FER: variants seen among roughly 807,000 people sequenced by gnomAD.
The protein encoded by FER is FER tyrosine kinase.
Under a neutral mutation model 111.0 loss-of-function variants are expected in FER, and 63 were observed. That is an observed-to-expected ratio of 0.57 (90% CI 0.46 to 0.70). FER has a LOEUF of 0.70. Ranked by LOEUF, FER falls within the 30% of genes least tolerant of loss-of-function variation. The probability of loss-of-function intolerance (pLI) is 0.00; values close to 1 mark genes in which losing one functional copy is unlikely to be tolerated. For missense variants in FER, 914 were observed against 954.0 expected (o/e 0.96, Z 0.55); for synonymous variants, 327 against 313.9 (o/e 1.04, Z -0.44).
rs1219567481 is a variant in FER at position 109,127,103 on chromosome 5, CAT to C, written c.2048+26585_2048+26586del. On this transcript the variant is annotated intron_variant, in intron 17 of 19. Transcript: ENST00000281092. ...GGGAACGTTCCAAGATTATTTCTCACATGTTATAAATATGTATTGGCATTTAT... is the reference window on the plus strand; with the variant it reads ...GGGAACGTTCCAAGATTATTTCTCACGTTATAAATATGTATTGGCATTTAT... Among the ~76,000 whole-genome samples, 25 of 152,314 alleles carry C rather than the reference CAT, an allele frequency of 1.6e-4. 1 individual carries two copies. The East Asian group carries it at 4.6e-3, about 28-fold the overall frequency.
chr5:108,855,033 T>A (rs1013434476), intron 5 of FER, among the ~76,000 whole-genome samples: 33 of 151,130 alleles, frequency 2.2e-4, no homozygotes, highest in African/African-American at 6.6e-4. Flanking sequence ...AAAGACTGAT[T>A]CCAAGATTTT....
intron 1 of FER, among the ~76,000 whole-genome samples, chr5:108,749,606 C>T (rs192255435): frequency 6.6e-6 from 1 of 152,224 alleles, no homozygotes; most frequent in Non-Finnish European, 1.5e-5. Flanking sequence ...TCCTATCTGT[C>T]ACCTTCTCCC....
chr5:108,928,851 T>C (rs144301731), intron 10 of FER, among the ~76,000 whole-genome samples: 2,415 of 152,164 alleles, frequency 0.016, 54 homozygotes, highest in African/African-American at 0.056. Flanking sequence ...TGGTCAAAGT[T>C]AGAAAATAAA....
intron 13 of FER, among the ~76,000 whole-genome samples, chr5:109,017,923 G>T (rs376689697): frequency 1.3e-5 from 2 of 151,952 alleles, no homozygotes; most frequent in East Asian, 1.9e-4. Context: ...ATATATGATT[G>T]TTGGGACTTC....
chr5:108,883,574 ATATTT>A, intron 9 of FER, 56 bp downstream of exon 9: 1 of 1,458,568 alleles, frequency 6.9e-7, no homozygotes, highest in Non-Finnish European at 9.2e-7. Context: ...TTTTACAAAA[ATATTT>A]TAGTTACATG....
At chr5:109,186,433 T>C (rs147610102) in intron 19 of FER, 111 bp downstream of exon 19, 22 of 1,499,616 alleles carry the variant, frequency 1.5e-5, no homozygotes, top group Non-Finnish European at 2.0e-5. Flanking sequence ...GGTTGTGTTA[T>C]GAGACCATCT....
At position 109,189,698 on chromosome 5, in the gene FER, C is replaced by A. The variant is rs1397800983; in HGVS notation, c.*2123C>A. 2 of 151,936 alleles carry A rather than the reference C, an allele frequency of 1.3e-5. No homozygotes were observed. The highest frequency in any genetic ancestry group is 2.9e-5 in the Non-Finnish European group (2 of 67,994). 9.4% of individuals were successfully genotyped at this position (151,936 alleles called of 1,614,324 possible). A position where few individuals can be genotyped will look rare whatever the true frequency, so the allele number is the denominator to read the frequency against. On this transcript the variant is annotated 3_prime_UTR_variant, in exon 20 of 20. Coordinates refer to ENST00000281092, the MANE Select transcript of FER (RefSeq NM_005246.4). ...AGTGAATCTCTGTAATATTCTTTGTCTGTTTAAAGAAAACAGCCTCCCATC... is the reference window on the plus strand; with the variant it reads ...AGTGAATCTCTGTAATATTCTTTGTATGTTTAAAGAAAACAGCCTCCCATC...
In FER at chr5:109,095,925, C is replaced by T. The variant is rs182973856; in HGVS notation, c.1925-4471C>T. 3.5e-3 allele frequency among the ~76,000 whole-genome samples: 534 copies of T among 152,116 alleles called. 2 individuals carry two copies. The highest frequency in any genetic ancestry group is 0.012 in the African/African-American group (518 of 41,522). ...AGGGTAATTAATTATACATTTTATA[C>T]ATCACTGGGAAACTGATATATCTTA... On this transcript the variant is annotated intron_variant, in intron 16 of 19. Coordinates refer to ENST00000281092, the MANE Select transcript of FER (RefSeq NM_005246.4).
At chr5:108,902,762 A>C (rs1750223641) in intron 10 of FER, among the ~76,000 whole-genome samples, 1 of 152,186 alleles carries the variant, frequency 6.6e-6, no homozygotes, top group South Asian at 2.1e-4. Context: ...ATTATTTTAT[A>C]TAATAGTTCA....
chr5:109,032,428 G>C (rs1258399629), intron 13 of FER, among the ~76,000 whole-genome samples: 2 of 152,036 alleles, frequency 1.3e-5, no homozygotes, highest in Non-Finnish European at 2.9e-5. Context: ...CCAGTTTCCT[G>C]TATTACATCT....
At chr5:109,026,888 C>T (rs181634194) in intron 13 of FER, among the ~76,000 whole-genome samples, 5 of 152,112 alleles carry the variant, frequency 3.3e-5, no homozygotes, top group Non-Finnish European at 1.5e-5. Flanking sequence ...ACCATGTTGG[C>T]CAGGCTGGTC....
intron 13 of FER, among the ~76,000 whole-genome samples, chr5:108,995,811 T>A (rs1400046047): frequency 3.9e-5 from 6 of 152,228 alleles, no homozygotes; most frequent in Non-Finnish European, 8.8e-5. Flanking sequence ...CAAATGGTAT[T>A]TCTGATTCTA....
intron 13 of FER, among the ~76,000 whole-genome samples, chr5:109,023,185 T>C (rs79223120): frequency 0.01 from 1,551 of 152,102 alleles, 22 homozygotes; most frequent in African/African-American, 0.036. Context: ...GTTTTGCAAG[T>C]AGACCTAACA....
chr5:108,810,653 G>A (rs1757663893), intron 3 of FER, among the ~76,000 whole-genome samples: 2 of 152,210 alleles, frequency 1.3e-5, no homozygotes, highest in Admixed American at 1.3e-4. Context: ...TCTCTGCACA[G>A]GAATGGTGGG....
intron 10 of FER, among the ~76,000 whole-genome samples, chr5:108,907,279 A>G (rs1750917327): frequency 6.6e-6 from 1 of 150,876 alleles, no homozygotes; most frequent in East Asian, 1.9e-4. Context: ...AAACACAATT[A>G]GCCAACTTCT....
At chr5:109,007,839 T>A (rs1228160625) in intron 13 of FER, among the ~76,000 whole-genome samples, 1 of 152,220 alleles carries the variant, frequency 6.6e-6, no homozygotes, top group Non-Finnish European at 1.5e-5. Flanking sequence ...TGCCAAATTA[T>A]TTTCTAAAGT....
chr5:109,125,700 A>G (rs1751624115), intron 17 of FER, among the ~76,000 whole-genome samples: 1 of 152,224 alleles, frequency 6.6e-6, no homozygotes, highest in African/African-American at 2.4e-5. Context: ...ATGTTAAGGT[A>G]ACAGAACTGG....
chr5:109,063,617 C>T (rs1774718751), intron 16 of FER, among the ~76,000 whole-genome samples: 1 of 152,030 alleles, frequency 6.6e-6, no homozygotes, highest in South Asian at 2.1e-4. Flanking sequence ...AGTTTTGAGG[C>T]CGATTAAAAG....
chr5:108,763,087 A>G (rs945070240), intron 1 of FER, among the ~76,000 whole-genome samples: 2 of 152,176 alleles, frequency 1.3e-5, no homozygotes, highest in African/African-American at 2.4e-5. Flanking sequence ...CCTGTTGTAT[A>G]GGAAAACTCA....
Sources: allele counts gnomAD v4.1 joint callset (sites outside exome capture counted in the v4.1 genomes callset), GRCh38; gene constraint gnomAD v4.1.1; transcripts MANE v1.5; gene names NCBI Gene and HGNC (gene_info 2026-07-23, HGNC 2026-07-21).